PIGR: variants seen among roughly 807,000 people sequenced by gnomAD.
PIGR encodes polymeric immunoglobulin receptor.
A neutral mutation model predicts 69.5 loss-of-function variants in PIGR; 22 were observed. The observed-to-expected ratio is 0.32, with a 90% CI of 0.23 to 0.45. PIGR has a LOEUF of 0.45. PIGR is among the 20% of genes least tolerant of loss of function. The pLI is 1.00. For missense variants in PIGR, 885 were observed against 974.0 expected, an observed-to-expected ratio of 0.91 and a Z score of 1.22; for synonymous variants, 413 against 407.6, an observed-to-expected ratio of 1.01 and a Z score of -0.16.
chr1:206,932,893 C>CA, intron 7 of PIGR, 93 bp downstream of exon 7: 2 of 1,297,004 alleles, frequency 1.5e-6, no homozygotes, highest in Non-Finnish European at 2.2e-6. Flanking sequence ...GCTCAAGAGA[C>CA]AGATGGGCTT....
chr1:206,932,363 A>G, intron 8 of PIGR, 93 bp downstream of exon 8: 8 of 1,385,624 alleles, frequency 5.8e-6, no homozygotes, highest in Non-Finnish European at 6.8e-6. Context: ...CTCATGAAAA[A>G]GAAGAGACAC....
chr1:206,934,337 G>T (rs904373717), intron 6 of PIGR, 83 bp downstream of exon 6: 2 of 1,235,000 alleles, frequency 1.6e-6, no homozygotes, highest in Non-Finnish European at 2.3e-6. Context: ...GGCCAGCACT[G>T]ATTGAGAAGC....
At position 206,935,599 on chromosome 1, in the gene PIGR, C is replaced by A; in HGVS notation, c.1265G>T (p.Gly422Val). ...RLSLLEEPGN[G>V]TFTVILNQLT... ...CTGGTTGAGGATGACAGTGAAGGTGCCGTTGCCTGGCTCCTCCAGCAGGGA... is the reference window on the plus strand; with the variant it reads ...CTGGTTGAGGATGACAGTGAAGGTGACGTTGCCTGGCTCCTCCAGCAGGGA... The change falls in exon 5 of 11, where the codon GGC (glycine) becomes GTC (valine). Residue 422 changes from glycine (G) to valine (V), a missense_variant. By Grantham distance (109) the Gly-to-Val change is moderately radical. Coordinates refer to ENST00000356495, the MANE Select transcript of PIGR (RefSeq NM_002644.4). The surrounding 1 kb of genome is among the most constrained non-coding windows in gnomAD (Gnocchi z 4.4). 6.2e-7 allele frequency: 1 copy of A among 1,614,208 alleles called. No homozygotes were observed. Among genetic ancestry groups the A allele is most frequent in the South Asian group, 1.1e-5 (1 of 91,086 alleles).
chr1:206,932,742 A>AAGGCACGCACTGGGCCTTGTTGCATCCT (rs1679782065), intron 7 of PIGR, among the ~76,000 whole-genome samples, 165 bp from the exon 8 acceptor site: 1 of 152,204 alleles, frequency 6.6e-6, no homozygotes, highest in Non-Finnish European at 1.5e-5. Context: ...CAGACTGGCA[A>AAGGCACGCACTGGGCCTTGTTGCATCCT]AGGCACGCAC....
Position 206,930,917 on chromosome 1 carries a change from C to G in PIGR, c.2200-504G>C. Reference sequence around the variant, plus strand: ...ACAACAACAACAAAAACTCTCACCTCGGGATTAAAGGCATGAGATGTTATT... The same window carrying G: ...ACAACAACAACAAAAACTCTCACCTGGGGATTAAAGGCATGAGATGTTATT... On this transcript the variant is annotated intron_variant, in intron 10 of 10. Transcript: ENST00000356495. The surrounding 1 kb of genome is among the most constrained non-coding windows in gnomAD (Gnocchi z 4.3). The G allele has an allele frequency of 1.0e-6, 1 of 985,408 alleles. No homozygotes were observed. Among genetic ancestry groups the G allele is most frequent in the Non-Finnish European group, 1.2e-6 (1 of 829,924 alleles). 61.0% of individuals were successfully genotyped at this position (985,408 alleles called of 1,614,324 possible).
intron 1 of PIGR, among the ~76,000 whole-genome samples, chr1:206,943,108 T>C (rs539602348): frequency 1.3e-5 from 2 of 152,300 alleles, no homozygotes; most frequent in African/African-American, 2.4e-5. Context: ...TGGCTGGGGC[T>C]GGATTTAAAG....
chr1:206,935,445 G>A lies in PIGR; in HGVS notation c.1378+41C>T. The A allele has an allele frequency of 6.6e-7, 1 of 1,508,816 alleles. No homozygotes were observed. The highest frequency in any genetic ancestry group is 9.1e-7 in the Non-Finnish European group (1 of 1,097,914). The allele number at this position is 1,508,816 out of a possible 1,614,324, so 93.5% of individuals were successfully genotyped here. A position where few individuals can be genotyped will look rare whatever the true frequency, so the allele number is the denominator to read the frequency against. ...GTGGTTGGGGATGCTGCTGCTGGCT[G>A]GAGAGGTTTTAGAGCTTTCTCCCTC... On this transcript the variant is annotated intron_variant, in intron 5 of 10. Transcript: ENST00000356495. This position sits in a 1 kb window ranked among gnomAD's most constrained non-coding sequence, Gnocchi z 4.4.
chr1:206,944,944 G>A (rs573489341), intron 1 of PIGR, among the ~76,000 whole-genome samples: 14 of 152,232 alleles, frequency 9.2e-5, no homozygotes, highest in African/African-American at 3.4e-4. Context: ...CTACCTCCTC[G>A]TTGGTATCAA....
intron 1 of PIGR, among the ~76,000 whole-genome samples, chr1:206,941,143 G>A (rs556814036): frequency 7.0e-4 from 106 of 152,304 alleles, no homozygotes; most frequent in Non-Finnish European, 1.4e-3. Flanking sequence ...AATAATTTAT[G>A]TGTACTATCT....
chr1:206,939,958 A>C (rs1420076178), intron 2 of PIGR, among the ~76,000 whole-genome samples: 2 of 152,168 alleles, frequency 1.3e-5, no homozygotes, highest in Non-Finnish European at 2.9e-5. Flanking sequence ...GACCTCAAGC[A>C]ATCCACCCTC....
At position 206,933,042 on chromosome 1, in the gene PIGR, C is replaced by T. The variant is rs367954672; in HGVS notation, c.1830G>A (p.Ala610=). 5.2e-5 allele frequency: 84 copies of T among 1,614,062 alleles called. No homozygotes were observed. Among genetic ancestry groups the T allele is most frequent in the Admixed American group, 4.5e-4 (27 of 60,012 alleles). ...CGGCTTGATCTCTTGTATCTGCCAC[C>T]GCCTTTTCCTCTGCAAAAAGCCTGG... ...QDPRLFAEEK[A]VADTRDQADG... is the part of the protein sequence containing the mutation. The change falls in exon 7 of 11, where the codon GCG becomes GCA. Residue 610 remains alanine, a synonymous_variant. Coordinates refer to ENST00000356495, the MANE Select transcript of PIGR (RefSeq NM_002644.4).
At chr1:206,940,393 G>A (rs1679958231) in intron 2 of PIGR, 96 bp downstream of exon 2, 1 of 1,179,464 alleles carries the variant, frequency 8.5e-7, no homozygotes, top group Non-Finnish European at 1.2e-6. Context: ...ACATCCCTGG[G>A]GATGAGTCTG....
At position 206,933,183 on chromosome 1, in the gene PIGR, T is replaced by G. The variant is rs1219090970; in HGVS notation, c.1706-17A>C. On this transcript the variant is annotated splice_polypyrimidine_tract_variant and intron_variant, in intron 6 of 10. Transcript: ENST00000356495. ...CGCGGGACCCTGCAGCAGGGAAGAGTGGGCCTGGGTTGTGATTTTTCTCTA... is the reference window on the plus strand; with the variant it reads ...CGCGGGACCCTGCAGCAGGGAAGAGGGGGCCTGGGTTGTGATTTTTCTCTA... 1 of 1,611,484 alleles carries G rather than the reference T, an allele frequency of 6.2e-7. No homozygotes were observed. The highest frequency in any genetic ancestry group is 1.3e-5 in the African/African-American group (1 of 74,570).
chr1:206,933,031 G>C lies in PIGR; in HGVS notation c.1841C>G (p.Thr614Arg). 1 of 1,614,156 alleles carries C rather than the reference G, an allele frequency of 6.2e-7. No homozygotes were observed. Among genetic ancestry groups the C allele is most frequent in the Middle Eastern group, 1.6e-4 (1 of 6,062 alleles). ...TCTGCTCCCATCGGCTTGATCTCTT[G>C]TATCTGCCACCGCCTTTTCCTCTGC... ...LFAEEKAVAD[T>R]RDQADGSRAS... The change falls in exon 7 of 11, where the codon ACA becomes AGA. Residue 614 changes from threonine (T) to arginine (R), a missense_variant. Transcript: ENST00000356495.
At chr1:206,940,355 C>T in intron 2 of PIGR, 134 bp downstream of exon 2, 1 of 772,108 alleles carries the variant, frequency 1.3e-6, no homozygotes, top group Admixed American at 2.9e-5. Flanking sequence ...TATGACTCTT[C>T]CTCAAGGAAG....
chr1:206,933,213 C>G, intron 6 of PIGR, 47 bp from the exon 7 acceptor site: 7 of 1,591,086 alleles, frequency 4.4e-6, no homozygotes, highest in African/African-American at 1.3e-5. Flanking sequence ...TCTCTATGCT[C>G]TTACTCCTCG....
Position 206,930,828 on chromosome 1 carries a change from C to G in PIGR, c.2200-415G>C, listed in dbSNP as rs527685122. The G allele has an allele frequency of 1.0e-6, 1 of 985,440 alleles. No individual in the cohort carries two copies. Among genetic ancestry groups the G allele is most frequent in the African/African-American group, 1.7e-5 (1 of 57,348 alleles). The allele number at this position is 985,440 out of a possible 1,614,324, so 61.0% of individuals were successfully genotyped here. On this transcript the variant is annotated intron_variant, in intron 10 of 10. Transcript: ENST00000356495. The surrounding 1 kb of genome is among the most constrained non-coding windows in gnomAD (Gnocchi z 4.3). Reference sequence around the variant, plus strand: ...AAGGGGAAGGCTGTCCCAGGAATAACTCGTTCTAACTTTGCTAAATGCCAG... The same window carrying G: ...AAGGGGAAGGCTGTCCCAGGAATAAGTCGTTCTAACTTTGCTAAATGCCAG...
chr1:206,933,010 C>T lies in PIGR; in HGVS notation c.1862G>A (p.Ser621Asn). 2 of 1,614,190 alleles carry T rather than the reference C, an allele frequency of 1.2e-6. No homozygotes were observed. Among genetic ancestry groups the T allele is most frequent in the Non-Finnish European group, 8.5e-7 (1 of 1,180,032 alleles). The change falls in exon 7 of 11, where the codon AGC becomes AAC. Residue 621 changes from serine to asparagine, a missense_variant. Physicochemically the swap from Ser to Asn is conservative, Grantham distance 46. Transcript: ENST00000356495. Reference sequence around the variant, plus strand: ...CCTGCCGGAATCCACAGATGCTCTGCTCCCATCGGCTTGATCTCTTGTATC... The same window carrying T: ...CCTGCCGGAATCCACAGATGCTCTGTTCCCATCGGCTTGATCTCTTGTATC... ...VADTRDQADG[S>N]RASVDSGSSE...
At position 206,940,538 on chromosome 1, in the gene PIGR, T is replaced by C; in HGVS notation, c.-7A>G. 1 of 1,551,360 alleles carries C rather than the reference T, an allele frequency of 6.4e-7. No individual in the cohort carries two copies. The highest frequency in any genetic ancestry group is 8.7e-7 in the Non-Finnish European group (1 of 1,146,878). On this transcript the variant is annotated 5_prime_UTR_variant, in exon 2 of 11. Coordinates refer to ENST00000356495, the MANE Select transcript of PIGR (RefSeq NM_002644.4). ...TGAGCACGAAGAGCAGCATTGCTGG[T>C]GGGTCCCGAGCGCCGCACCACTCAG...
Sources: allele counts gnomAD v4.1 joint callset (sites outside exome capture counted in the v4.1 genomes callset), GRCh38; gene constraint gnomAD v4.1.1; non-coding constraint Gnocchi (gnomAD v3.1); transcripts MANE v1.5; gene names NCBI Gene and HGNC (gene_info 2026-07-23, HGNC 2026-07-21).